The following PIGN variants were observed in gnomAD, a reference collection of about 807,000 sequenced individuals.
The protein encoded by PIGN is phosphatidylinositol glycan anchor biosynthesis class N, also known as GPI ethanolamine phosphate transferase 1.
PIGN carries 117 observed loss-of-function variants against 125.4 expected under a neutral mutation model. The ratio of observed to expected loss-of-function variants is 0.93; its 90% confidence interval spans 0.80 to 1.09. The LOEUF (loss-of-function observed/expected upper bound fraction) is 1.09, where lower values mean the gene tolerates loss of function less well. Among genes scored for constraint, PIGN ranks in the 50% least tolerant of loss-of-function variants. The probability of loss-of-function intolerance (pLI) is 0.00; values close to 1 mark genes in which losing one functional copy is unlikely to be tolerated. For synonymous variants in PIGN, 392 were observed against 377.8 expected (o/e 1.04, Z -0.44); for missense variants, 1,075 against 1,094.9 (o/e 0.98, Z 0.26).
chr18:62,021,393 C>A (rs2030053450), intron 23 of PIGN, among the ~76,000 whole-genome samples: 2 of 152,208 alleles, frequency 1.3e-5, no homozygotes, highest in Admixed American at 6.5e-5. Context: ...CCAGAAGACA[C>A]AGGCTTTCTG....
At chr18:62,111,838 T>C (rs1192595749) in intron 16 of PIGN, among the ~76,000 whole-genome samples, 1 of 152,204 alleles carries the variant, frequency 6.6e-6, no homozygotes, top group Non-Finnish European at 1.5e-5. Flanking sequence ...TGCCAGCATC[T>C]AGCATTGTAC....
At chr18:62,178,321 C>T (rs1266016163) in intron 1 of PIGN, among the ~76,000 whole-genome samples, 1 of 151,896 alleles carries the variant, frequency 6.6e-6, no homozygotes, top group Non-Finnish European at 1.5e-5. Context: ...AATCCCAAAA[C>T]AGTTGATCCT....
chr18:62,032,386 A>G (rs2030204407), intron 23 of PIGN, among the ~76,000 whole-genome samples: 1 of 152,252 alleles, frequency 6.6e-6, no homozygotes, highest in African/African-American at 2.4e-5. Flanking sequence ...TCTGCTTCAC[A>G]TGCCATCTGG....
At chr18:62,022,825 T>C (rs1406049142) in intron 23 of PIGN, among the ~76,000 whole-genome samples, 3 of 152,190 alleles carry the variant, frequency 2.0e-5, no homozygotes, top group East Asian at 1.9e-4. Flanking sequence ...CTGTGGGGAA[T>C]TTGTTTCAAG....
At chr18:62,162,986 T>C (rs2037008045) in intron 2 of PIGN, among the ~76,000 whole-genome samples, 1 of 152,186 alleles carries the variant, frequency 6.6e-6, no homozygotes, top group South Asian at 2.1e-4. Flanking sequence ...TGTGAAAAAT[T>C]CTTCAAATTA....
intron 22 of PIGN, among the ~76,000 whole-genome samples, chr18:62,097,115 C>T (rs2034242047): frequency 1.3e-5 from 2 of 148,170 alleles, no homozygotes; most frequent in Admixed American, 6.7e-5. Context: ...GCAAAAGAAA[C>T]TACCATCAGA....
rs151053437 is a variant in PIGN, at chr18:62,182,488, C to T, written c.-236+4356G>A. On this transcript the variant is annotated intron_variant, in intron 1 of 30. Coordinates refer to ENST00000640252, the MANE Select transcript of PIGN (RefSeq NM_176787.5). ...TTGTTCTTTACACCCTATTCTTCCC[C>T]TTTATTTAATCTAACAATTGTCCAC... Among the ~76,000 whole-genome samples the T allele has an allele frequency of 4.2e-3, 640 of 152,300 alleles. 3 individuals are homozygous for T. Among genetic ancestry groups the T allele is most frequent in the African/African-American group, 0.015 (614 of 41,548 alleles).
At chr18:62,135,505 CTATGATCAGTT>C (rs1339138850) in intron 14 of PIGN, 8 of 151,816 alleles carry the variant, frequency 5.3e-5, no homozygotes. Context: ...TAGGGGAAGT[CTATGATCAGTT>C]ACCATGCCAC....
chr18:62,100,218 T>C (rs2034382380), intron 22 of PIGN, among the ~76,000 whole-genome samples: 2 of 152,096 alleles, frequency 1.3e-5, no homozygotes, highest in South Asian at 4.1e-4. Context: ...TGAAGAAATA[T>C]TCACTATCAC....
At chr18:62,132,716 C>T (rs1255315347) in intron 14 of PIGN, among the ~76,000 whole-genome samples, 1 of 152,058 alleles carries the variant, frequency 6.6e-6, no homozygotes, top group Non-Finnish European at 1.5e-5. Flanking sequence ...GATTATGATG[C>T]TAGCTAATAT....
chr18:62,160,538 C>T (rs1230165120), intron 4 of PIGN, among the ~76,000 whole-genome samples: 8 of 147,346 alleles, frequency 5.4e-5, no homozygotes, highest in African/African-American at 1.5e-4. Flanking sequence ...TTTTTTGAGA[C>T]GGAGTTTTGC....
chr18:62,086,751 G>C (rs2033727012), intron 25 of PIGN, among the ~76,000 whole-genome samples: 1 of 152,082 alleles, frequency 6.6e-6, no homozygotes, highest in East Asian at 1.9e-4. Context: ...CAAATAATTG[G>C]AGGCAGAAAA....
intron 23 of PIGN, among the ~76,000 whole-genome samples, chr18:62,025,721 G>A (rs1207752864): frequency 2.6e-5 from 4 of 152,042 alleles, no homozygotes; most frequent in Admixed American, 6.6e-5. Context: ...TTCTCCTCCC[G>A]GGTTTCCTAC....
chr18:62,117,544 G>GC lies in PIGN; in HGVS notation c.1173-2906dup, dbSNP rs202150063. On this transcript the variant is annotated intron_variant, in intron 14 of 30. Coordinates refer to ENST00000640252, the MANE Select transcript of PIGN (RefSeq NM_176787.5). ...GTGTATTACACCATTTTATTCCTCA[G>GC]CCCCCCCCTCTAAAAAGAATCTAAA... Among the ~76,000 whole-genome samples the GC allele has an allele frequency of 5.6e-4, 79 of 140,658 alleles. 1 individual carries two copies. The highest frequency in any genetic ancestry group is 1.9e-3 in the South Asian group (9 of 4,624). The allele number at this position is 140,658 out of a possible 152,430, so 92.3% of individuals were successfully genotyped here. A position where few individuals can be genotyped will look rare whatever the true frequency, so the allele number is the denominator to read the frequency against.
chr18:62,129,609 T>A (rs2035658052), intron 14 of PIGN, among the ~76,000 whole-genome samples: 1 of 152,204 alleles, frequency 6.6e-6, no homozygotes, highest in African/African-American at 2.4e-5. Context: ...TTATCCCTTA[T>A]CATGCTGTAT....
chr18:62,077,473 A>G (rs922825734), intron 28 of PIGN, among the ~76,000 whole-genome samples: 3 of 152,214 alleles, frequency 2.0e-5, no homozygotes, highest in African/African-American at 7.2e-5. Context: ...TTTTCTAAAG[A>G]TAATTATATT....
intron 20 of PIGN, chr18:62,105,045 A>G (rs1462736240): frequency 6.6e-6 from 1 of 152,226 alleles, no homozygotes; most frequent in East Asian, 1.9e-4. Flanking sequence ...TGAGTGGTTA[A>G]ACATGGGAAA....
chr18:62,027,501 C>T (rs912012336), intron 23 of PIGN, among the ~76,000 whole-genome samples: 6 of 152,104 alleles, frequency 3.9e-5, no homozygotes, highest in Non-Finnish European at 7.4e-5. Context: ...CGGGACAACG[C>T]GAAGCAAAAG....
intron 30 of PIGN, chr18:62,052,891 A>T: frequency 2.6e-6 from 1 of 380,998 alleles, no homozygotes; most frequent in Non-Finnish European, 4.6e-6. Flanking sequence ...CTTTTAGGGC[A>T]GGCCTGGTGG....
Sources: gnomAD v4.1 joint callset for allele counts (sites outside exome capture counted in the v4.1 genomes callset) on GRCh38, gnomAD v4.1.1 for gene constraint, MANE v1.5 for transcripts, NCBI Gene and HGNC (gene_info 2026-07-23, HGNC 2026-07-21) for gene names.